MID1: variants seen among roughly 807,000 people sequenced by gnomAD.
MID1 encodes midline 1.
Under a neutral mutation model 40.4 loss-of-function variants are expected in MID1, and 7 were observed. The ratio of observed to expected loss-of-function variants is 0.17; its 90% CI spans 0.10 to 0.33. MID1 has a LOEUF of 0.33. Ranked by LOEUF, MID1 falls within the 10% of genes least tolerant of loss-of-function variation. MID1 has a pLI of 1.00. For synonymous variants in MID1, 229 were observed against 221.2 expected, an observed-to-expected ratio of 1.04 and a Z score of -0.31; for missense variants, 367 against 558.5, an observed-to-expected ratio of 0.66 and a Z score of 3.46.
chrX:10,607,170 G>C (rs972117075), intron 1 of MID1, among the ~76,000 whole-genome samples: 7 of 112,224 alleles, frequency 6.2e-5, no homozygotes. Context: ...AAATGAACAG[G>C]TGGGCACCAA....
chrX:10,664,478 C>G (rs886989399), intron 1 of MID1, among the ~76,000 whole-genome samples: 2 of 111,903 alleles, frequency 1.8e-5, no homozygotes, highest in Non-Finnish European at 3.8e-5. Context: ...CAATATGCTA[C>G]GTTTTATTTA....
intron 2 of MID1, among the ~76,000 whole-genome samples, chrX:10,526,746 A>G (rs1405892920): frequency 8.9e-6 from 1 of 112,094 alleles, no homozygotes; most frequent in Non-Finnish European, 1.9e-5. Flanking sequence ...GTTTAAACAC[A>G]TTGACCTATC....
intron 4 of MID1, among the ~76,000 whole-genome samples, chrX:10,487,709 A>T (rs1180928612): frequency 9.0e-6 from 1 of 111,614 alleles, no homozygotes; most frequent in Non-Finnish European, 1.9e-5. Flanking sequence ...AGATTAGTAG[A>T]AAGTGCCGTT....
In MID1 at chrX:10,576,118, AATTATT is replaced by A. The variant is rs753879010; in HGVS notation, c.-56-8521_-56-8516del. Reference sequence around the variant, plus strand: ...ACATTTCTTCTTTAAGAAGTGCTGAAATTATTATTATTATTATTATTTTTTTACCTC... The same window carrying A: ...ACATTTCTTCTTTAAGAAGTGCTGAAATTATTATTATTATTTTTTTACCTC... On this transcript the variant is annotated intron_variant, in intron 1 of 9. Coordinates refer to ENST00000317552, the MANE Select transcript of MID1 (RefSeq NM_000381.4). 2.4e-3 allele frequency among the ~76,000 whole-genome samples: 261 copies of A among 109,815 alleles called. 1 individual carries two copies. The highest frequency in any genetic ancestry group is 7.5e-3 in the African/African-American group (224 of 29,990).
At position 10,452,460 on chromosome X, in the gene MID1, C is replaced by T. The variant is rs144880712; in HGVS notation, c.1655+2410G>A. Among the ~76,000 whole-genome samples, 551 of 112,140 alleles carry T rather than the reference C, an allele frequency of 4.9e-3. 3 individuals carry two copies. Among genetic ancestry groups the T allele is most frequent in the Non-Finnish European group, 8.3e-3 (441 of 53,217 alleles). On this transcript the variant is annotated intron_variant, in intron 9 of 9. Coordinates refer to ENST00000317552, the MANE Select transcript of MID1 (RefSeq NM_000381.4). ...CAGAATGTAATGTTCCATTAAGTTA[C>T]GCAGTGAGACACGGAGAATTCAAAG...
chrX:10,586,395 G>A (rs1308169536), intron 1 of MID1, among the ~76,000 whole-genome samples: 4 of 111,584 alleles, frequency 3.6e-5, no homozygotes, highest in African/African-American at 1.3e-4. Flanking sequence ...GGTTGGCGAA[G>A]CTGCTCCCAT....
At chrX:10,507,784 T>C (rs983926905) in intron 3 of MID1, among the ~76,000 whole-genome samples, 2 of 112,556 alleles carry the variant, frequency 1.8e-5, no homozygotes, top group Non-Finnish European at 3.8e-5. Flanking sequence ...GCAAACACTC[T>C]CCTCTTGCAA....
chrX:10,652,340 GT>G (rs929429814), intron 1 of MID1, among the ~76,000 whole-genome samples: 8 of 110,710 alleles, frequency 7.2e-5, no homozygotes, highest in African/African-American at 2.7e-4. Context: ...GTTATCCATG[GT>G]TTTTTGTTGT....
At position 10,482,497 on chromosome X, in the gene MID1, A is replaced by T; in HGVS notation, c.996T>A (p.Ala332=). The change falls in exon 5 of 10, where the codon GCT becomes GCA. Residue 332 remains alanine, a synonymous_variant. Transcript: ENST00000317552. ...ENDHARFLQT[A]KNITERVSMA... Reference sequence around the variant, plus strand: ...GCACTCACCTCTCGGTGATATTCTTAGCAGTCTGTAGGAAACGCGCATGAT... The same window carrying T: ...GCACTCACCTCTCGGTGATATTCTTTGCAGTCTGTAGGAAACGCGCATGAT... 1 of 1,210,956 alleles carries T rather than the reference A, an allele frequency of 8.3e-7. No homozygotes were observed.
Position 10,572,151 on chromosome X carries a change from CTT to C in MID1, c.-56-4550_-56-4549del, listed in dbSNP as rs775016242. 1.6e-4 allele frequency among the ~76,000 whole-genome samples: 16 copies of C among 100,596 alleles called. No individual in the cohort carries two copies. The South Asian group carries it at 5.7e-3, about 36-fold the overall frequency. The allele number at this position is 100,596 out of a possible 115,157, so 87.4% of individuals were successfully genotyped here. On this transcript the variant is annotated intron_variant, in intron 1 of 9. Transcript: ENST00000317552. The stretch of plus-strand genomic sequence containing the variant: ...TCTTTCTCTCTCCCTTTCTCTCTCT[CTT>C]TCTCTCTCTCTCTCTATATATATAT...
chrX:10,517,211 G>A (rs915417692), intron 3 of MID1, among the ~76,000 whole-genome samples: 1 of 110,924 alleles, frequency 9.0e-6, no homozygotes, highest in African/African-American at 3.3e-5. Context: ...GTTTTTTTTA[G>A]CTCCAGCTGG....
chrX:10,607,014 T>G (rs1031323685), intron 1 of MID1, among the ~76,000 whole-genome samples: 1 of 112,430 alleles, frequency 8.9e-6, no homozygotes, highest in Non-Finnish European at 1.9e-5. Flanking sequence ...GTTACAGGTG[T>G]GAACCACAAC....
At chrX:10,732,334 CAT>C (rs1313294269) in intron 1 of MID1, among the ~76,000 whole-genome samples, 2 of 111,960 alleles carry the variant, frequency 1.8e-5, no homozygotes, top group Admixed American at 9.5e-5. Flanking sequence ...CTATTAATGA[CAT>C]TTTAACACAT....
intron 2 of MID1, among the ~76,000 whole-genome samples, chrX:10,558,997 T>C (rs770494493): frequency 8.9e-6 from 1 of 111,809 alleles, no homozygotes. Flanking sequence ...ATCCAGAAAA[T>C]AGACAGGTGA....
At position 10,612,482 on chromosome X, in the gene MID1, G is replaced by T. The variant is rs1024952245; in HGVS notation, c.-57+7808C>A. 6.2e-5 allele frequency among the ~76,000 whole-genome samples: 7 copies of T among 112,009 alleles called. No individual in the cohort carries two copies. In the East Asian group the frequency reaches 2.0e-3, roughly 31 times the overall value. ...CAAAGCACAGCTGATTAATTCATGG[G>T]CTAAATGACTCATCTCATTCCCTAA... On this transcript the variant is annotated intron_variant, in intron 1 of 9. Coordinates refer to ENST00000317552, the MANE Select transcript of MID1 (RefSeq NM_000381.4).
Position 10,709,870 on chromosome X carries a change from A to G in MID1, c.-186-89451T>C, listed in dbSNP as rs751050616. ...GATTTTGATTCAAAAGACAAACTTC[A>G]GGAAAGGAAGTGAAAAAGTCAGCAA... is the stretch of plus-strand genomic sequence containing the variant. On this transcript the variant is annotated intron_variant, in intron 1 of 10. Transcript: ENST00000380785. 2.2e-3 allele frequency among the ~76,000 whole-genome samples: 242 copies of G among 112,213 alleles called. 1 individual carries two copies. The highest frequency in any genetic ancestry group is 7.3e-3 in the African/African-American group (227 of 30,910).
intron 1 of MID1, among the ~76,000 whole-genome samples, chrX:10,657,245 A>G (rs1200857318): frequency 9.0e-6 from 1 of 110,808 alleles, no homozygotes; most frequent in Non-Finnish European, 1.9e-5. Context: ...TTACCTGATA[A>G]CCTATTCTTT....
chrX:10,562,994 G>C (rs1373257255), intron 2 of MID1, among the ~76,000 whole-genome samples: 7 of 107,457 alleles, frequency 6.5e-5, no homozygotes, highest in African/African-American at 2.6e-4. Flanking sequence ...GAAGAAACAA[G>C]TTATAGAAAT....
intron 1 of MID1, among the ~76,000 whole-genome samples, chrX:10,742,120 G>T: frequency 9.0e-6 from 1 of 110,818 alleles, no homozygotes; most frequent in Non-Finnish European, 1.9e-5. Context: ...TATTCCTTAT[G>T]CCTTCTGTAT....
Sources: gnomAD v4.1 joint callset for allele counts (sites outside exome capture counted in the v4.1 genomes callset) on GRCh38, gnomAD v4.1.1 for gene constraint, MANE v1.5 for transcripts, NCBI Gene and HGNC (gene_info 2026-07-23, HGNC 2026-07-21) for gene names.